The following DNAH6 variants were observed in gnomAD, a reference collection of about 807,000 sequenced individuals.
DNAH6 encodes the protein axonemal beta dynein heavy chain 6.
Under a neutral mutation model 491.4 loss-of-function variants are expected in DNAH6, and 340 were observed. That is an observed-to-expected ratio of 0.69 (90% confidence interval 0.63 to 0.76). DNAH6 has a LOEUF of 0.76. DNAH6 is among the 30% of genes least tolerant of loss of function. The pLI is 0.00. For missense variants in DNAH6, 4,443 were observed against 4,972.2 expected (o/e 0.89, Z 3.20); for synonymous variants, 1,603 against 1,686.1 (o/e 0.95, Z 1.21).
chr2:84,504,867 T>G, the DNAH6 span, among the ~76,000 whole-genome samples: 1,599 of 152,312 alleles, frequency 0.01, 11 homozygotes, highest in Non-Finnish European at 0.017. Context: ...CCATGTGAAT[T>G]TTAGGATTAG....
chr2:84,553,041 G>A lies in DNAH6; in HGVS notation c.1602+7G>A. Reference sequence around the variant, plus strand: ...TTCTCTGGAAGACTTTCTGGTGTGTGTTTTTCATGTATTATCCACATGCAA... The same window carrying A: ...TTCTCTGGAAGACTTTCTGGTGTGTATTTTTCATGTATTATCCACATGCAA... On this transcript the variant is annotated splice_region_variant and intron_variant, in intron 10 of 76. Coordinates refer to ENST00000389394, the MANE Select transcript of DNAH6 (RefSeq NM_001370.2). The A allele has an allele frequency of 6.6e-7, 1 of 1,512,556 alleles. No homozygotes were observed. The allele number at this position is 1,512,556 out of a possible 1,614,324, so 93.7% of individuals were successfully genotyped here. A position where few individuals can be genotyped will look rare whatever the true frequency, so the allele number is the denominator to read the frequency against.
rs1265516519 is a variant in DNAH6, at chr2:84,605,545, C to T, written c.3127C>T (p.Arg1043Cys). The change falls in exon 20 of 77, where the codon CGT becomes TGT. Residue 1043 changes from arginine (R) to cysteine (C), a missense_variant. Coordinates refer to ENST00000389394, the MANE Select transcript of DNAH6 (RefSeq NM_001370.2). ...AACTGAATTTGTCATTCTGCCTCACCGTGACTCCAAAGATGTGTTTATACT... is the reference window on the plus strand; with the variant it reads ...AACTGAATTTGTCATTCTGCCTCACTGTGACTCCAAAGATGTGTTTATACT... ...KTTEFVILPH[R>C]DSKDVFILGG... is the part of the protein sequence containing the mutation. 6.4e-6 allele frequency: 10 copies of T among 1,551,282 alleles called. No individual in the cohort carries two copies. Among genetic ancestry groups the T allele is most frequent in the South Asian group, 2.4e-5 (2 of 84,038 alleles).
intron 11 of DNAH6, among the ~76,000 whole-genome samples, chr2:84,560,438 GTTTTCTTTTTT>G (rs1312370691): frequency 6.1e-4 from 24 of 39,644 alleles, no homozygotes; most frequent in African/African-American, 8.8e-4. Context: ...TACAAAAATA[GTTTTCTTTTTT>G]TTTTCTTTTT....
intron 33 of DNAH6, among the ~76,000 whole-genome samples, chr2:84,647,776 G>A (rs1690038473): frequency 6.6e-6 from 1 of 152,146 alleles, no homozygotes; most frequent in African/African-American, 2.4e-5. Context: ...CATTGCTGTA[G>A]TATACTGACT....
chr2:84,512,844 T>A (rs1029771971), upstream of DNAH6, among the ~76,000 whole-genome samples: 1 of 152,220 alleles, frequency 6.6e-6, no homozygotes, highest in African/African-American at 2.4e-5. Flanking sequence ...AAATATCTTT[T>A]TTCCTTTATT....
intron 59 of DNAH6, 61 bp from the exon 60 acceptor site, chr2:84,722,564 A>G (rs1052665905): frequency 1.5e-6 from 2 of 1,369,612 alleles, no homozygotes; most frequent in Admixed American, 5.1e-5. Flanking sequence ...GATACATTCC[A>G]GAAGTCCCAC....
At chr2:84,501,373 C>A in the DNAH6 span, among the ~76,000 whole-genome samples, 1 of 151,958 alleles carries the variant, frequency 6.6e-6, no homozygotes, top group African/African-American at 2.4e-5. Flanking sequence ...AAGGATAAGT[C>A]CCACTTGGTT....
chr2:84,745,070 G>T lies in DNAH6; in HGVS notation c.10343-10G>T. 6.9e-7 allele frequency: 1 copy of T among 1,447,518 alleles called. No individual in the cohort carries two copies. Among genetic ancestry groups the T allele is most frequent in the Non-Finnish European group, 9.2e-7 (1 of 1,083,410 alleles). The allele number at this position is 1,447,518 out of a possible 1,614,324, so 89.7% of individuals were successfully genotyped here. A position where few individuals can be genotyped will look rare whatever the true frequency, so the allele number is the denominator to read the frequency against. Reference sequence around the variant, plus strand: ...CTAATTAAATTATCTTTTTTAAATTGTATTTCCAGGATCTTTTGAGACTTA... The same window carrying T: ...CTAATTAAATTATCTTTTTTAAATTTTATTTCCAGGATCTTTTGAGACTTA... On this transcript the variant is annotated splice_polypyrimidine_tract_variant and intron_variant, in intron 62 of 76. Coordinates refer to ENST00000389394, the MANE Select transcript of DNAH6 (RefSeq NM_001370.2).
chr2:84,697,553 T>C, intron 46 of DNAH6, 22 bp from the exon 47 acceptor site: 1 of 1,528,202 alleles, frequency 6.5e-7, no homozygotes, highest in Non-Finnish European at 8.8e-7. Flanking sequence ...CAAGTTGTAA[T>C]GATCACTGCT....
chr2:84,573,347 C>A, intron 11 of DNAH6, 120 bp from the exon 12 acceptor site: 1 of 739,954 alleles, frequency 1.4e-6, no homozygotes, highest in South Asian at 2.4e-5. Flanking sequence ...TTTCCCAAAT[C>A]AAAACATACT....
At chr2:84,746,346 A>G (rs1054877633) in intron 63 of DNAH6, among the ~76,000 whole-genome samples, 1 of 152,150 alleles carries the variant, frequency 6.6e-6, no homozygotes, top group African/African-American at 2.4e-5. Context: ...GAGAAAGGAT[A>G]AGGAGCCCAT....
intron 31 of DNAH6, among the ~76,000 whole-genome samples, chr2:84,639,882 G>A (rs545790718): frequency 7.9e-5 from 12 of 152,124 alleles, no homozygotes; most frequent in Non-Finnish European, 1.6e-4. Flanking sequence ...ATAGAAAAAA[G>A]GGTCCGCTTC....
intron 63 of DNAH6, among the ~76,000 whole-genome samples, chr2:84,747,890 T>C (rs1215143590): frequency 6.6e-6 from 1 of 152,194 alleles, no homozygotes; most frequent in Non-Finnish European, 1.5e-5. Context: ...CCACCAAGGC[T>C]TATGGATTTT....
In DNAH6 at chr2:84,787,185, C is replaced by A. The variant is rs2105247683; in HGVS notation, c.11122C>A (p.Leu3708Ile). ...IIQERKKFGP[L>I]GWNICYEFND... ...TTAGGAGAGAAAGAAGTTTGGCCCCCTTGGTTGGAATATCTGCTATGAATT... is the reference window on the plus strand; with the variant it reads ...TTAGGAGAGAAAGAAGTTTGGCCCCATTGGTTGGAATATCTGCTATGAATT... Residue 3708 changes from leucine (L) to isoleucine (I), a missense_variant, in exon 68 of 77, where the codon CTT becomes ATT. Around this residue, in one of 3 missense-constraint regions of DNAH6, gnomAD observed 1,463 missense variants for 1,656.6 expected, o/e 0.88. Coordinates refer to ENST00000389394, the MANE Select transcript of DNAH6 (RefSeq NM_001370.2). 1 of 1,525,398 alleles carries A rather than the reference C, an allele frequency of 6.6e-7. No homozygotes were observed. Among genetic ancestry groups the A allele is most frequent in the Admixed American group, 2.2e-5 (1 of 45,760 alleles). The allele number at this position is 1,525,398 out of a possible 1,614,324, so 94.5% of individuals were successfully genotyped here.
chr2:84,766,711 A>G (rs1159824529), intron 64 of DNAH6, among the ~76,000 whole-genome samples: 1 of 152,194 alleles, frequency 6.6e-6, no homozygotes, highest in Non-Finnish European at 1.5e-5. Flanking sequence ...GAAAACCTAG[A>G]GCAATGAGCC....
intron 4 of DNAH6, among the ~76,000 whole-genome samples, chr2:84,534,239 G>C (rs540509637): frequency 6.6e-6 from 1 of 151,948 alleles, no homozygotes; most frequent in Non-Finnish European, 1.5e-5. Flanking sequence ...GTGTGCCCTA[G>C]TTGTTTATGG....
chr2:84,547,178 T>C, intron 5 of DNAH6, 90 bp from the exon 6 acceptor site: 1 of 1,139,844 alleles, frequency 8.8e-7, no homozygotes, highest in African/African-American at 1.6e-5. Flanking sequence ...GTGTTTATTA[T>C]CCTTAATAAC....
intron 16 of DNAH6, among the ~76,000 whole-genome samples, chr2:84,592,924 T>C (rs1684246400): frequency 1.3e-5 from 2 of 152,186 alleles, no homozygotes; most frequent in Non-Finnish European, 2.9e-5. Flanking sequence ...TTCCAGAGGC[T>C]GGGAGGAAGG....
intron 55 of DNAH6, 29 bp downstream of exon 55, chr2:84,709,575 T>C: frequency 1.9e-6 from 3 of 1,548,982 alleles, no homozygotes; most frequent in South Asian, 2.4e-5. Flanking sequence ...AGAGAGTGGC[T>C]TTTGGTTCTG....
Sources: allele counts gnomAD v4.1 joint callset (sites outside exome capture counted in the v4.1 genomes callset), GRCh38; gene constraint gnomAD v4.1.1; regional missense constraint gnomAD v4.1.1; transcripts MANE v1.5; gene names NCBI Gene and HGNC (gene_info 2026-07-23, HGNC 2026-07-21).